MTFR1: variants seen among roughly 807,000 people sequenced by gnomAD.
MTFR1 encodes the protein mitochondrial fission regulator 1, also known as chondrocyte protein with a poly-proline region.
Under a neutral mutation model 38.8 loss-of-function variants are expected in MTFR1, and 28 were observed. The ratio of observed to expected loss-of-function variants is 0.72; its 90% CI spans 0.53 to 0.99. The LOEUF (loss-of-function observed/expected upper bound fraction) is 0.99. Ranked by LOEUF, MTFR1 falls within the 50% of genes least tolerant of loss-of-function variation. The pLI is 0.00. For missense variants in MTFR1, 358 were observed against 395.5 expected (o/e 0.91, Z 0.81); for synonymous variants, 145 against 137.0 (o/e 1.06, Z -0.41).
At chr8:65,712,038 C>CTCT (rs1805960789), downstream of MTFR1, among the ~76,000 whole-genome samples, 1 of 152,192 alleles carries the variant, frequency 6.6e-6, no homozygotes, top group Non-Finnish European at 1.5e-5. Context: ...AAAGGCCAGA[C>CTCT]TCTTCATAAC....
At chr8:65,761,636 T>G (rs372813949) in intron 3 of MTFR1, among the ~76,000 whole-genome samples, 2 of 152,198 alleles carry the variant, frequency 1.3e-5, no homozygotes, top group African/African-American at 4.8e-5. Flanking sequence ...ATTACTTCAC[T>G]ATGTGACCAA....
chr8:65,668,869 A>T (rs372223609), intron 1 of MTFR1, among the ~76,000 whole-genome samples: 2 of 152,046 alleles, frequency 1.3e-5, no homozygotes, highest in South Asian at 2.1e-4. Flanking sequence ...TCTGGTGCAA[A>T]CTCCTTTATC....
At chr8:65,735,798 G>A (rs562654241) in intron 3 of MTFR1, among the ~76,000 whole-genome samples, 2 of 151,808 alleles carry the variant, frequency 1.3e-5, no homozygotes, top group Non-Finnish European at 2.9e-5. Flanking sequence ...GCTAATTTTT[G>A]TATTTTTGTC....
chr8:65,744,119 C>T (rs1230491423), intron 3 of MTFR1, among the ~76,000 whole-genome samples: 7 of 152,122 alleles, frequency 4.6e-5, no homozygotes, highest in African/African-American at 1.7e-4. Context: ...AGGCATGAGC[C>T]ACCACGCCCA....
At chr8:65,648,226 C>T (rs1396493022) in intron 1 of MTFR1, among the ~76,000 whole-genome samples, 1 of 152,086 alleles carries the variant, frequency 6.6e-6, no homozygotes, top group East Asian at 1.9e-4. Context: ...ACTGTGTTAG[C>T]CAGTATGGTC....
chr8:65,683,013 C>T (rs571677603), intron 3 of MTFR1: 1 of 813,680 alleles, frequency 1.2e-6, no homozygotes, highest in East Asian at 1.2e-4. Context: ...AAGTCTTAGT[C>T]TTAGAACTTT....
At position 65,704,814 on chromosome 8, in the gene MTFR1, G is replaced by A. The variant is rs139624623; in HGVS notation, c.402G>A (p.Ala134=). The change falls in exon 5 of 8, where the codon GCG becomes GCA. Residue 134 remains alanine (A), a synonymous_variant. Coordinates refer to ENST00000262146, the MANE Select transcript of MTFR1 (RefSeq NM_014637.4). ...SQEEPQLKTP[A]LANEEALQKI... ...AAGAGCCTCAGCTGAAGACCCCAGC[G>A]CTGGCAAATGAGGAAGCACTGCAGA... 66 of 1,613,978 alleles carry A rather than the reference G, an allele frequency of 4.1e-5. No homozygotes were observed. The African/African-American group carries it at 4.9e-4, about 12-fold the overall frequency.
At chr8:65,676,231 G>C (rs1804704218) in intron 2 of MTFR1, among the ~76,000 whole-genome samples, 1 of 152,160 alleles carries the variant, frequency 6.6e-6, no homozygotes, top group Non-Finnish European at 1.5e-5. Context: ...ACTTTTTAAA[G>C]ATCTGATTAA....
At chr8:65,706,866 CT>C in intron 5 of MTFR1, 143 bp from the exon 6 acceptor site, 1 of 842,632 alleles carries the variant, frequency 1.2e-6, no homozygotes, top group Non-Finnish European at 1.8e-6. Context: ...GTAACTGAAA[CT>C]GTCTTGCTTC....
chr8:65,700,912 G>A (rs1805597392), intron 4 of MTFR1, among the ~76,000 whole-genome samples: 1 of 152,180 alleles, frequency 6.6e-6, no homozygotes, highest in Non-Finnish European at 1.5e-5. Context: ...TATTGGAAAA[G>A]GACGGAACTC....
At chr8:65,685,128 G>A (rs536689050) in intron 3 of MTFR1, among the ~76,000 whole-genome samples, 1 of 152,320 alleles carries the variant, frequency 6.6e-6, no homozygotes, top group East Asian at 1.9e-4. Context: ...ATGTATACAG[G>A]AGGCAGTTTT....
rs1174896228 is a variant in MTFR1, at chr8:65,710,342, T to C, written c.*1298T>C. 6.6e-6 allele frequency: 1 copy of C among 152,366 alleles called. No homozygotes were observed. The highest frequency in any genetic ancestry group is 1.5e-5 in the Non-Finnish European group (1 of 68,020). The allele number at this position is 152,366 out of a possible 1,614,324, so 9.4% of individuals were successfully genotyped here. A position where few individuals can be genotyped will look rare whatever the true frequency, so the allele number is the denominator to read the frequency against. On this transcript the variant is annotated 3_prime_UTR_variant, in exon 8 of 8. Transcript: ENST00000262146. ...CATGGCTTGATTGTTCTGTTTAAAT[T>C]TGTACTGTGGCTTATGTTACACATG...
intron 5 of MTFR1, among the ~76,000 whole-genome samples, chr8:65,705,271 C>G (rs1055639515): frequency 3.9e-5 from 6 of 152,152 alleles, no homozygotes; most frequent in African/African-American, 1.4e-4. Context: ...ACCAAGTGAG[C>G]CAAGATCATG....
chr8:65,778,189 C>T, the MTFR1 span, among the ~76,000 whole-genome samples: 3 of 152,172 alleles, frequency 2.0e-5, no homozygotes, highest in Admixed American at 6.5e-5. Context: ...TATGGAAATG[C>T]GATGTTATGC....
At chr8:65,719,731 A>G in intron 3 of MTFR1, 1 of 529,142 alleles carries the variant, frequency 1.9e-6, no homozygotes, top group Non-Finnish European at 3.4e-6. Flanking sequence ...TGACAAATAT[A>G]TCTAACCTTT....
downstream of MTFR1, among the ~76,000 whole-genome samples, chr8:65,711,682 G>T (rs1805952370): frequency 6.6e-6 from 1 of 152,104 alleles, no homozygotes; most frequent in Admixed American, 6.5e-5. Context: ...CCTTGGTCTT[G>T]GTAGCCATCC....
intron 3 of MTFR1, among the ~76,000 whole-genome samples, chr8:65,761,334 G>A (rs1808485213): frequency 6.6e-6 from 1 of 152,152 alleles, no homozygotes; most frequent in South Asian, 2.1e-4. Context: ...AAAGTGCTAG[G>A]ATTACAGGCA....
intron 1 of MTFR1, among the ~76,000 whole-genome samples, chr8:65,668,169 CTT>C (rs1166328245): frequency 7.5e-6 from 1 of 134,054 alleles, no homozygotes. Flanking sequence ...GCAAGATTTT[CTT>C]TTTTTTTTTT....
chr8:65,644,044 C>T (rs1355642613), upstream of MTFR1, among the ~76,000 whole-genome samples: 1 of 152,134 alleles, frequency 6.6e-6, no homozygotes, highest in African/African-American at 2.4e-5. Context: ...AGGTTTCCTA[C>T]CCTACATAGG....
Sources: gnomAD v4.1 joint callset for allele counts (sites outside exome capture counted in the v4.1 genomes callset) on GRCh38, gnomAD v4.1.1 for gene constraint, MANE v1.5 for transcripts, NCBI Gene and HGNC (gene_info 2026-07-23, HGNC 2026-07-21) for gene names.